VPS8: variants seen among roughly 807,000 people sequenced by gnomAD.
VPS8 encodes vacuolar protein sorting-associated protein 8 homolog.
In VPS8, 129 loss-of-function variants were observed where a neutral mutation model predicts 216.4. That is an observed-to-expected ratio of 0.60 (90% CI 0.52 to 0.69). The LOEUF (loss-of-function observed/expected upper bound fraction) is 0.69, where lower values mean the gene tolerates loss of function less well. Ranked by LOEUF, VPS8 falls within the 30% of genes least tolerant of loss-of-function variation. The pLI is 0.00. For synonymous variants in VPS8, 571 were observed against 565.4 expected, an observed-to-expected ratio of 1.01 and a Z score of -0.14; for missense variants, 1,531 against 1,683.5, an observed-to-expected ratio of 0.91 and a Z score of 1.59.
intron 1 of VPS8, among the ~76,000 whole-genome samples, chr3:184,817,739 C>G (rs554221457): frequency 6.6e-6 from 1 of 152,350 alleles, no homozygotes; most frequent in South Asian, 2.1e-4. Context: ...TTATTCCTGT[C>G]TCTTAGTTCC....
chr3:184,915,876 T>C (rs866984328), intron 28 of VPS8, among the ~76,000 whole-genome samples: 37 of 152,286 alleles, frequency 2.4e-4, no homozygotes, highest in African/African-American at 8.2e-4. Context: ...GCAGGTACAG[T>C]TTTTATGCAC....
intron 43 of VPS8, among the ~76,000 whole-genome samples, chr3:184,995,476 G>A (rs901363043): frequency 6.6e-6 from 1 of 152,094 alleles, no homozygotes; most frequent in African/African-American, 2.4e-5. Flanking sequence ...TGGAAGAGGA[G>A]AAAAAGATAA....
At chr3:184,819,785 T>TTAC (rs1164891376) in intron 1 of VPS8, among the ~76,000 whole-genome samples, 1 of 152,102 alleles carries the variant, frequency 6.6e-6, no homozygotes, top group Non-Finnish European at 1.5e-5. Flanking sequence ...CCCAAAAACT[T>TTAC]TACTACTACT....
chr3:185,021,280 T>C (rs1280064396), intron 45 of VPS8, among the ~76,000 whole-genome samples: 1 of 152,234 alleles, frequency 6.6e-6, no homozygotes, highest in Non-Finnish European at 1.5e-5. Flanking sequence ...TAAGCTTCAT[T>C]GCCTGGGGCA....
At chr3:185,047,589 T>C (rs932676112) in intron 46 of VPS8, among the ~76,000 whole-genome samples, 3 of 152,148 alleles carry the variant, frequency 2.0e-5, no homozygotes, top group Non-Finnish European at 4.4e-5. Context: ...ACTTCTGAAA[T>C]CAACTTTTAA....
At chr3:184,882,080 C>A (rs942818793) in intron 21 of VPS8, among the ~76,000 whole-genome samples, 1 of 151,360 alleles carries the variant, frequency 6.6e-6, no homozygotes, top group African/African-American at 2.4e-5. Context: ...CCTTTTCTTG[C>A]CTATTGCATA....
At chr3:184,842,406 A>G (rs1722360617) in intron 7 of VPS8, among the ~76,000 whole-genome samples, 1 of 151,442 alleles carries the variant, frequency 6.6e-6, no homozygotes, top group Non-Finnish European at 1.5e-5. Flanking sequence ...TGAGGAAATA[A>G]TCTTTCATTA....
chr3:184,834,483 A>T (rs752914988), intron 4 of VPS8, among the ~76,000 whole-genome samples, 166 bp from the exon 5 acceptor site: 1 of 152,158 alleles, frequency 6.6e-6, no homozygotes, highest in South Asian at 2.1e-4. Flanking sequence ...CATGTACCCT[A>T]AAACTTAAAG....
In VPS8 at chr3:184,989,899, T is replaced by C. The variant is rs576221111; in HGVS notation, c.3586-4084T>C. Reference sequence around the variant, plus strand: ...CATCCTGGCTAACACGGTGAAAACCTGTCTCTACTAAAAATACAAAAAAAT... The same window carrying C: ...CATCCTGGCTAACACGGTGAAAACCCGTCTCTACTAAAAATACAAAAAAAT... On this transcript the variant is annotated intron_variant, in intron 42 of 47. Transcript: ENST00000625842. Among the ~76,000 whole-genome samples, 65 of 151,884 alleles carry C rather than the reference T, an allele frequency of 4.3e-4. 2 individuals carry two copies. In the East Asian group the frequency reaches 0.012, roughly 28 times the overall value.
chr3:184,928,238 G>T (rs538389609), intron 31 of VPS8, among the ~76,000 whole-genome samples: 5 of 152,280 alleles, frequency 3.3e-5, no homozygotes, highest in Non-Finnish European at 7.4e-5. Flanking sequence ...TGTTTGGAAA[G>T]CAGAGCCATT....
At chr3:185,010,518 G>A (rs558076628) in intron 45 of VPS8, among the ~76,000 whole-genome samples, 2 of 152,194 alleles carry the variant, frequency 1.3e-5, no homozygotes, top group East Asian at 3.9e-4. Flanking sequence ...AAGAACAATT[G>A]AATACGTCAA....
chr3:185,046,861 C>T (rs535863876), intron 46 of VPS8, among the ~76,000 whole-genome samples: 1 of 152,246 alleles, frequency 6.6e-6, no homozygotes, highest in Non-Finnish European at 1.5e-5. Context: ...TACTGCATGG[C>T]GAGGGTTGGT....
chr3:184,884,711 A>G (rs1023795361), intron 21 of VPS8, among the ~76,000 whole-genome samples: 1 of 152,016 alleles, frequency 6.6e-6, no homozygotes, highest in African/African-American at 2.4e-5. Flanking sequence ...TCCCTCTGTT[A>G]AAAGGGTTTG....
intron 1 of VPS8, chr3:184,816,256 A>G (rs1372558735): frequency 1.3e-5 from 2 of 152,170 alleles, no homozygotes; most frequent in Non-Finnish European, 2.9e-5. Flanking sequence ...GACTTCGTTC[A>G]TATTATTGTT....
chr3:184,943,281 G>A (rs1743072274), intron 36 of VPS8, among the ~76,000 whole-genome samples: 1 of 152,150 alleles, frequency 6.6e-6, no homozygotes, highest in Admixed American at 6.5e-5. Context: ...TATAAAAGAT[G>A]GGGAAAAAAC....
chr3:184,960,069 A>G (rs1432794147), intron 37 of VPS8, among the ~76,000 whole-genome samples: 1 of 151,298 alleles, frequency 6.6e-6, no homozygotes, highest in Non-Finnish European at 1.5e-5. Context: ...ATTCCCACCT[A>G]TGAATAAGAA....
intron 25 of VPS8, 112 bp downstream of exon 25, chr3:184,901,084 C>T (rs1161098453): frequency 1.6e-5 from 15 of 919,998 alleles, no homozygotes; most frequent in African/African-American, 8.4e-5. Context: ...TAATCATGTA[C>T]AGTCATGTAA....
intron 37 of VPS8, among the ~76,000 whole-genome samples, chr3:184,959,171 C>T (rs542662272): frequency 6.6e-6 from 1 of 152,290 alleles, no homozygotes; most frequent in South Asian, 2.1e-4. Flanking sequence ...ACATTCTTTA[C>T]TTACTGCCAG....
At position 185,038,289 on chromosome 3, in the gene VPS8, C is replaced by T. The variant is rs59926177; in HGVS notation, c.4057-10190C>T. Among the ~76,000 whole-genome samples, 671 of 152,308 alleles carry T rather than the reference C, an allele frequency of 4.4e-3. 7 individuals carry two copies. The highest frequency in any genetic ancestry group is 0.015 in the African/African-American group (629 of 41,558). On this transcript the variant is annotated intron_variant, in intron 46 of 47. Coordinates refer to ENST00000625842, the MANE Select transcript of VPS8 (RefSeq NM_001009921.3). The stretch of plus-strand genomic sequence containing the variant: ...TTGTTGTTTGTTTGTTTTTCTCTGA[C>T]CATACCACACTGTTAAGCTCTACAA...
Sources: allele counts gnomAD v4.1 joint callset (sites outside exome capture counted in the v4.1 genomes callset), GRCh38; gene constraint gnomAD v4.1.1; transcripts MANE v1.5; gene names NCBI Gene and HGNC (gene_info 2026-07-23, HGNC 2026-07-21).